Variants in KDM6A observed in about 807,000 individuals in gnomAD.
KDM6A encodes lysine demethylase 6A.
Under a neutral mutation model 117.6 loss-of-function variants are expected in KDM6A, and 11 were observed. The ratio of observed to expected loss-of-function variants is 0.09; its 90% CI spans 0.06 to 0.15. The LOEUF (loss-of-function observed/expected upper bound fraction) is 0.15, where lower values mean the gene tolerates loss of function less well. Ranked by LOEUF, KDM6A falls within the 10% of genes least tolerant of loss-of-function variation. The pLI, the probability that KDM6A is intolerant of heterozygous loss-of-function variation, is 1.00. For missense variants in KDM6A, 799 were observed against 1,077.3 expected (o/e 0.74, Z 3.62); for synonymous variants, 384 against 396.1 (o/e 0.97, Z 0.36).
rs1250193497 is a variant in KDM6A at position 45,099,082 on chromosome X, A to G, written c.4034+8218A>G. 2.7e-5 allele frequency among the ~76,000 whole-genome samples: 3 copies of G among 111,549 alleles called. No homozygotes were observed. In the Admixed American group the frequency reaches 2.9e-4, roughly 11 times the overall value. ...TTTAGCGGTCTCTGTATACACATACATGCTTGCACGTGCTTTTTCATATGA... is the reference window on the plus strand; with the variant it reads ...TTTAGCGGTCTCTGTATACACATACGTGCTTGCACGTGCTTTTTCATATGA... On this transcript the variant is annotated intron_variant, in intron 27 of 29. Transcript: ENST00000611820.
At chrX:45,091,283 C>T (rs1358617559) in intron 27 of KDM6A, among the ~76,000 whole-genome samples, 2 of 111,518 alleles carry the variant, frequency 1.8e-5, no homozygotes, top group East Asian at 2.8e-4. Flanking sequence ...ATTAAATCAT[C>T]TATTTTTTAA....
At chrX:44,902,460 G>A (rs1333100926) in intron 2 of KDM6A, among the ~76,000 whole-genome samples, 1 of 107,359 alleles carries the variant, frequency 9.3e-6, no homozygotes. Context: ...CATGATCTCA[G>A]CTCACTGCAA....
chrX:45,010,328 A>G (rs1318602644), intron 4 of KDM6A, among the ~76,000 whole-genome samples: 5 of 108,712 alleles, frequency 4.6e-5, no homozygotes, highest in African/African-American at 1.7e-4. Context: ...CTCTTTAAAA[A>G]AAAAAGAAAA....
chrX:45,089,657 T>C, intron 25 of KDM6A, 86 bp from the exon 26 acceptor site: 2 of 667,688 alleles, frequency 3.0e-6, no homozygotes, highest in Non-Finnish European at 4.7e-6. Flanking sequence ...AGTGTTTATT[T>C]AAAAAATTTG....
chrX:44,881,581 A>G (rs906514973), intron 2 of KDM6A, among the ~76,000 whole-genome samples: 1 of 108,945 alleles, frequency 9.2e-6, no homozygotes. Context: ...TTTCTTCCTT[A>G]TATTCCATCA....
Position 44,967,611 on chromosome X carries a change from A to C in KDM6A, c.334+6219A>C, listed in dbSNP as rs951345791. Among the ~76,000 whole-genome samples the C allele has an allele frequency of 1.3e-4, 15 of 111,668 alleles. No homozygotes were observed. In the Admixed American group the frequency reaches 1.4e-3, roughly 11 times the overall value. ...TGAGTTTAGTTCCTTTAAAAAAAACAAACAAAAAAAGGCTTCTATTTCTAT... is the reference window on the plus strand; with the variant it reads ...TGAGTTTAGTTCCTTTAAAAAAAACCAACAAAAAAAGGCTTCTATTTCTAT... On this transcript the variant is annotated intron_variant, in intron 3 of 29. Transcript: ENST00000611820.
chrX:45,063,315 A>AT (rs2044384732), intron 16 of KDM6A, 107 bp from the exon 17 acceptor site: 2 of 746,536 alleles, frequency 2.7e-6, no homozygotes, highest in African/African-American at 4.2e-5. Context: ...ACATTCCCTA[A>AT]TTATACATCT....
chrX:44,923,825 C>T (rs189067123), intron 2 of KDM6A, among the ~76,000 whole-genome samples: 120 of 111,424 alleles, frequency 1.1e-3, no homozygotes, highest in Non-Finnish European at 1.3e-3. Flanking sequence ...TGGGTTCAAG[C>T]AATTCTAATG....
At chrX:45,021,051 A>C (rs5905917) in intron 6 of KDM6A, among the ~76,000 whole-genome samples, 1 of 111,720 alleles carries the variant, frequency 9.0e-6, no homozygotes, top group South Asian at 3.7e-4. Flanking sequence ...ATGATTTGCC[A>C]CTGTAGAGTT....
At chrX:45,029,400 C>T in intron 6 of KDM6A, among the ~76,000 whole-genome samples, 1 of 110,577 alleles carries the variant, frequency 9.0e-6, no homozygotes, top group South Asian at 3.9e-4. Context: ...AGCCATTGCC[C>T]TCAGCCTGGG....
At chrX:45,009,381 G>A (rs915213306) in intron 4 of KDM6A, among the ~76,000 whole-genome samples, 1 of 111,737 alleles carries the variant, frequency 8.9e-6, no homozygotes, top group African/African-American at 3.3e-5. Flanking sequence ...AGTGTATAAT[G>A]AGCAGTGAGG....
At chrX:44,913,298 G>GTTTT (rs11449898) in intron 2 of KDM6A, among the ~76,000 whole-genome samples, 4 of 86,527 alleles carry the variant, frequency 4.6e-5, no homozygotes, top group Non-Finnish European at 6.5e-5. Flanking sequence ...TGTGTTAACT[G>GTTTT]TTTTTTTTTT....
At chrX:45,080,918 A>G (rs2045367509) in intron 21 of KDM6A, among the ~76,000 whole-genome samples, 1 of 112,092 alleles carries the variant, frequency 8.9e-6, no homozygotes, top group Admixed American at 9.4e-5. Flanking sequence ...TCCATAGCCA[A>G]AGAAAGCTTG....
chrX:45,026,704 G>A (rs1044397663), intron 6 of KDM6A, among the ~76,000 whole-genome samples: 7 of 106,449 alleles, frequency 6.6e-5, no homozygotes, highest in Non-Finnish European at 1.3e-4. Flanking sequence ...ATGGTGGCGC[G>A]CCTGTAGTCC....
chrX:45,026,769 T>G (rs1372613612), intron 6 of KDM6A, among the ~76,000 whole-genome samples: 1 of 102,777 alleles, frequency 9.7e-6, no homozygotes, highest in African/African-American at 3.7e-5. Context: ...AGGTGGAGAT[T>G]GCAGTGAGCT....
chrX:44,940,063 T>A (rs907281297), intron 2 of KDM6A, among the ~76,000 whole-genome samples: 1 of 111,258 alleles, frequency 9.0e-6, no homozygotes, highest in South Asian at 3.8e-4. Context: ...GTCAACAAAC[T>A]TTTTTTTGAG....
intron 2 of KDM6A, among the ~76,000 whole-genome samples, chrX:44,882,016 G>C (rs1281524201): frequency 9.0e-6 from 1 of 111,467 alleles, no homozygotes; most frequent in Non-Finnish European, 1.9e-5. Flanking sequence ...AGAATAAATA[G>C]AAGATGCTGC....
chrX:45,083,569 G>A lies in KDM6A; in HGVS notation c.3550G>A (p.Val1184Ile), dbSNP rs1329474337. ...VGHTILGMNT[V>I]QLYMKVPGSR... is the part of the protein sequence containing the mutation. ...TCATACCATATTGGGCATGAACACA[G>A]TTCAACTATACATGAAAGTTCCAGG... is the stretch of plus-strand genomic sequence containing the variant. Residue 1184 changes from valine to isoleucine, a missense_variant, in exon 24 of 30, where the codon GTT (valine) becomes ATT (isoleucine). Physicochemically the swap from Val to Ile is conservative, Grantham distance 29. Around this residue, in one of 8 missense-constraint regions of KDM6A, gnomAD observed 291 missense variants for 437.9 expected, o/e 0.66. Transcript: ENST00000611820. 1 of 1,209,220 alleles carries A rather than the reference G, an allele frequency of 8.3e-7. No homozygotes were observed. Among genetic ancestry groups the A allele is most frequent in the Admixed American group, 2.2e-5 (1 of 46,006 alleles).
chrX:44,953,370 A>G (rs945701552), intron 2 of KDM6A, among the ~76,000 whole-genome samples: 3 of 111,620 alleles, frequency 2.7e-5, no homozygotes, highest in African/African-American at 9.8e-5. Flanking sequence ...AGCCACACCT[A>G]CAAGAATGGC....
Sources: allele counts gnomAD v4.1 joint callset (sites outside exome capture counted in the v4.1 genomes callset), GRCh38; gene constraint gnomAD v4.1.1; regional missense constraint gnomAD v4.1.1; transcripts MANE v1.5; gene names NCBI Gene and HGNC (gene_info 2026-07-23, HGNC 2026-07-21).